The following PLCB4 variants were observed in gnomAD, a reference collection of about 807,000 sequenced individuals.
PLCB4 encodes the protein 1-phosphatidylinositol 4,5-bisphosphate phosphodiesterase beta-4.
PLCB4 carries 77 observed loss-of-function variants against 178.8 expected under a neutral mutation model. The observed-to-expected ratio is 0.43, with a 90% CI of 0.36 to 0.52. The LOEUF is 0.52. PLCB4 is among the 20% of genes least tolerant of loss of function. PLCB4 has a pLI of 0.00. For missense variants in PLCB4, 1,024 were observed against 1,453.4 expected, an observed-to-expected ratio of 0.70 and a Z score of 4.80; for synonymous variants, 496 against 490.8, an observed-to-expected ratio of 1.01 and a Z score of -0.14.
intron 2 of PLCB4, among the ~76,000 whole-genome samples, chr20:9,153,659 T>G (rs1043794509): frequency 1.3e-5 from 2 of 152,172 alleles, no homozygotes; most frequent in Non-Finnish European, 2.9e-5. Flanking sequence ...TTATTTGTAA[T>G]TGGATGTTTA....
At chr20:9,324,225 T>G (rs1478169404) in intron 4 of PLCB4, among the ~76,000 whole-genome samples, 1 of 149,844 alleles carries the variant, frequency 6.7e-6, no homozygotes, top group Non-Finnish European at 1.5e-5. Context: ...GCATAGTGGC[T>G]CTCACGCCTG....
At chr20:9,136,970 G>A (rs975789116) in intron 2 of PLCB4, among the ~76,000 whole-genome samples, 1 of 152,040 alleles carries the variant, frequency 6.6e-6, no homozygotes, top group African/African-American at 2.4e-5. Flanking sequence ...GAGACTGGAG[G>A]GAGGAGAACT....
intron 28 of PLCB4, among the ~76,000 whole-genome samples, chr20:9,428,592 A>G (rs541805098): frequency 4.6e-5 from 7 of 152,302 alleles, no homozygotes; most frequent in Non-Finnish European, 1.0e-4. Flanking sequence ...ATCTTTTGGT[A>G]GGAACCCAAA....
At chr20:9,156,221 A>G (rs2092785373) in intron 2 of PLCB4, among the ~76,000 whole-genome samples, 1 of 152,170 alleles carries the variant, frequency 6.6e-6, no homozygotes, top group African/African-American at 2.4e-5. Context: ...CACTGGAAAC[A>G]TGCAGTCTCC....
chr20:9,389,701 A>G (rs1288474132), intron 15 of PLCB4, among the ~76,000 whole-genome samples, 178 bp from the exon 16 acceptor site: 3 of 152,192 alleles, frequency 2.0e-5, no homozygotes, highest in Non-Finnish European at 2.9e-5. Context: ...CATTAACTGC[A>G]CCCTGGCTAT....
At chr20:9,414,376 G>A (rs945996502) in intron 25 of PLCB4, among the ~76,000 whole-genome samples, 2 of 152,196 alleles carry the variant, frequency 1.3e-5, no homozygotes, top group Non-Finnish European at 2.9e-5. Flanking sequence ...TAGATGTGGG[G>A]CCCGGTGCTG....
At chr20:9,076,632 T>C (rs1033765487) in intron 1 of PLCB4, among the ~76,000 whole-genome samples, 5 of 152,198 alleles carry the variant, frequency 3.3e-5, no homozygotes, top group Admixed American at 3.3e-4. Context: ...TCCTGAAATA[T>C]AGAATACAGA....
intron 35 of PLCB4, among the ~76,000 whole-genome samples, chr20:9,463,124 A>T (rs2043513048): frequency 6.6e-6 from 1 of 152,218 alleles, no homozygotes; most frequent in South Asian, 2.1e-4. Context: ...AACATTCTTA[A>T]AGAAAGGATT....
At position 9,189,464 on chromosome 20, in the gene PLCB4, C is replaced by T. The variant is rs983244374; in HGVS notation, c.-78-27926C>T. ...TGACATTCTGGGTTGGTTAATTGTTCATTGTGGAGGGCTGTCATATAGTGA... is the reference window on the plus strand; with the variant it reads ...TGACATTCTGGGTTGGTTAATTGTTTATTGTGGAGGGCTGTCATATAGTGA... On this transcript the variant is annotated intron_variant, in intron 2 of 39. Transcript: ENST00000378473. Among the ~76,000 whole-genome samples the T allele has an allele frequency of 4.1e-5, 6 of 144,590 alleles. No homozygotes were observed. In the South Asian group the frequency reaches 9.5e-4, roughly 23 times the overall value. 94.9% of individuals were successfully genotyped at this position (144,590 alleles called of 152,430 possible).
chr20:9,088,874 T>C (rs549347812), intron 1 of PLCB4, among the ~76,000 whole-genome samples: 2 of 152,080 alleles, frequency 1.3e-5, no homozygotes, highest in Non-Finnish European at 2.9e-5. Flanking sequence ...TGTACTTTTT[T>C]GAGGAATATA....
intron 3 of PLCB4, among the ~76,000 whole-genome samples, chr20:9,275,387 T>C (rs984764022): frequency 9.2e-5 from 14 of 152,082 alleles, no homozygotes; most frequent in African/African-American, 2.9e-4. Context: ...GGAAATACAA[T>C]TCAAGTTGAG....
intron 3 of PLCB4, among the ~76,000 whole-genome samples, chr20:9,254,329 T>C (rs961377678): frequency 1.3e-5 from 2 of 152,178 alleles, no homozygotes; most frequent in Admixed American, 6.5e-5. Flanking sequence ...AGTGTATAAA[T>C]CCTATGATAA....
chr20:9,123,576 T>C (rs927467016), intron 2 of PLCB4, among the ~76,000 whole-genome samples: 1 of 151,954 alleles, frequency 6.6e-6, no homozygotes, highest in Non-Finnish European at 1.5e-5. Flanking sequence ...TATAGATGAG[T>C]AAAAAATATT....
intron 2 of PLCB4, among the ~76,000 whole-genome samples, chr20:9,195,858 A>G (rs2093465244): frequency 6.6e-6 from 1 of 152,196 alleles, no homozygotes; most frequent in African/African-American, 2.4e-5. Flanking sequence ...ATACAGTCTC[A>G]GACAACTGGC....
intron 3 of PLCB4, among the ~76,000 whole-genome samples, chr20:9,226,142 G>A (rs561721137): frequency 2.6e-5 from 4 of 152,310 alleles, no homozygotes; most frequent in Non-Finnish European, 4.4e-5. Flanking sequence ...AAGTGCTGAC[G>A]TGATCTCCTG....
chr20:9,134,314 T>A (rs1028401932), intron 2 of PLCB4, among the ~76,000 whole-genome samples: 1 of 152,226 alleles, frequency 6.6e-6, no homozygotes, highest in African/African-American at 2.4e-5. Context: ...TTTTCCTTCT[T>A]GGTAATGTAC....
intron 2 of PLCB4, among the ~76,000 whole-genome samples, chr20:9,108,243 G>A (rs1361476231): frequency 6.6e-6 from 1 of 152,174 alleles, no homozygotes; most frequent in African/African-American, 2.4e-5. Flanking sequence ...TGTGGGAGTT[G>A]TGAGTCTGGA....
intron 3 of PLCB4, among the ~76,000 whole-genome samples, chr20:9,224,646 C>T (rs2147310786): frequency 6.6e-6 from 1 of 152,286 alleles, no homozygotes; most frequent in East Asian, 1.9e-4. Flanking sequence ...TCGGTTTGGC[C>T]AACTGCCAGG....
intron 3 of PLCB4, among the ~76,000 whole-genome samples, chr20:9,236,737 A>G (rs903758143): frequency 6.6e-6 from 1 of 152,172 alleles, no homozygotes; most frequent in Non-Finnish European, 1.5e-5. Flanking sequence ...ATTCTACGTG[A>G]GTTTCTATGG....
Sources: allele counts gnomAD v4.1 joint callset (sites outside exome capture counted in the v4.1 genomes callset), GRCh38; gene constraint gnomAD v4.1.1; transcripts MANE v1.5; gene names NCBI Gene and HGNC (gene_info 2026-07-23, HGNC 2026-07-21).